Variants in SMYD3 observed in about 807,000 individuals in gnomAD.
The protein encoded by SMYD3 is histone-lysine N-methyltransferase SMYD3.
A neutral mutation model predicts 57.7 loss-of-function variants in SMYD3; 36 were observed. The observed-to-expected ratio is 0.62, with a 90% CI of 0.48 to 0.82. SMYD3 has a LOEUF of 0.82. SMYD3 is among the 40% of genes least tolerant of loss of function. The pLI, the probability that SMYD3 is intolerant of heterozygous loss-of-function variation, is 0.00. For missense variants in SMYD3, 515 were observed against 538.8 expected, an observed-to-expected ratio of 0.96 and a Z score of 0.44; for synonymous variants, 211 against 195.0, an observed-to-expected ratio of 1.08 and a Z score of -0.68.
chr1:246,376,555 C>A (rs1326321135), intron 1 of SMYD3, among the ~76,000 whole-genome samples: 1 of 144,522 alleles, frequency 6.9e-6, no homozygotes, highest in Non-Finnish European at 1.5e-5. Context: ...CACGCCACTG[C>A]ACTCCAGCCT....
chr1:246,106,806 C>A (rs1334629557), intron 5 of SMYD3, among the ~76,000 whole-genome samples: 1 of 152,106 alleles, frequency 6.6e-6, no homozygotes. Context: ...AGTTTCAAAG[C>A]TTCTGTCTTA....
At chr1:245,896,345 C>A in intron 8 of SMYD3, among the ~76,000 whole-genome samples, 1 of 49,276 alleles carries the variant, frequency 2.0e-5, no homozygotes, top group African/African-American at 1.1e-4. Flanking sequence ...ATAGTAATGA[C>A]AGGTAAAATA....
intron 5 of SMYD3, among the ~76,000 whole-genome samples, chr1:245,960,117 T>G (rs1404161853): frequency 1.3e-5 from 2 of 152,172 alleles, no homozygotes. Context: ...TAAAACAAAA[T>G]TATGCAGGTA....
At chr1:245,885,003 A>G (rs1473724502) in intron 8 of SMYD3, among the ~76,000 whole-genome samples, 1 of 152,044 alleles carries the variant, frequency 6.6e-6, no homozygotes, top group East Asian at 1.9e-4. Flanking sequence ...GGTCTGCACT[A>G]CCTTTATGAG....
Position 245,971,996 on chromosome 1 carries a change from T to C in SMYD3, c.532-42059A>G, listed in dbSNP as rs565686010. On this transcript the variant is annotated intron_variant, in intron 5 of 11. Transcript: ENST00000490107. ...ACGCTGTACAGAGTCTAGTCACCTA[T>C]AGTCACTGCTGATCTTGCCATGTCT... is the stretch of plus-strand genomic sequence containing the variant. Among the ~76,000 whole-genome samples, 13 of 152,274 alleles carry C rather than the reference T, an allele frequency of 8.5e-5. No homozygotes were observed. In the East Asian group the frequency reaches 1.2e-3, roughly 14 times the overall value.
chr1:246,164,011 A>G (rs954129540), intron 5 of SMYD3, among the ~76,000 whole-genome samples: 7 of 152,204 alleles, frequency 4.6e-5, no homozygotes, highest in Non-Finnish European at 7.3e-5. Flanking sequence ...ACTTAGTTCA[A>G]GTTCTCTGCT....
chr1:246,087,893 A>G (rs1359779850), intron 5 of SMYD3, among the ~76,000 whole-genome samples: 1 of 152,178 alleles, frequency 6.6e-6, no homozygotes, highest in Non-Finnish European at 1.5e-5. Context: ...ACTACATCAT[A>G]GCAAGCAAAT....
At chr1:246,306,662 G>A (rs1369684261) in intron 5 of SMYD3, among the ~76,000 whole-genome samples, 2 of 152,130 alleles carry the variant, frequency 1.3e-5, no homozygotes, top group African/African-American at 4.8e-5. Context: ...CACTTTTAAG[G>A]TGTAATATTG....
intron 5 of SMYD3, chr1:246,326,656 C>G: frequency 2.9e-6 from 1 of 344,732 alleles, no homozygotes; most frequent in South Asian, 6.3e-5. Context: ...CCCAGCTACT[C>G]AGAATGCTGA....
At chr1:246,122,488 C>T (rs2061439140) in intron 5 of SMYD3, among the ~76,000 whole-genome samples, 1 of 152,190 alleles carries the variant, frequency 6.6e-6, no homozygotes, top group Admixed American at 6.5e-5. Context: ...CTGAAAACTA[C>T]TACTTGCTAC....
chr1:246,411,393 C>T (rs1430523762), intron 1 of SMYD3, among the ~76,000 whole-genome samples: 2 of 152,136 alleles, frequency 1.3e-5, no homozygotes, highest in Non-Finnish European at 1.5e-5. Flanking sequence ...TAAACTAGTT[C>T]AACCATTGTG....
At chr1:245,955,822 T>G (rs2057822838) in intron 5 of SMYD3, 1 of 484,566 alleles carries the variant, frequency 2.1e-6, no homozygotes, top group South Asian at 8.9e-5. Context: ...TGCATACTTT[T>G]GGCTACTTAC....
At chr1:246,419,549 C>T (rs917850595) in intron 1 of SMYD3, among the ~76,000 whole-genome samples, 14 of 152,178 alleles carry the variant, frequency 9.2e-5, no homozygotes, top group African/African-American at 3.4e-4. Flanking sequence ...CTTGTCCTCA[C>T]CTAGGTCGAT....
At chr1:246,098,826 TCACA>T (rs2060960541) in intron 5 of SMYD3, among the ~76,000 whole-genome samples, 1 of 124,582 alleles carries the variant, frequency 8.0e-6, no homozygotes, top group African/African-American at 2.6e-5. Flanking sequence ...GTATATACAC[TCACA>T]CACACACATT....
intron 5 of SMYD3, among the ~76,000 whole-genome samples, chr1:246,299,873 C>T (rs1218586568): frequency 6.7e-6 from 1 of 149,190 alleles, no homozygotes; most frequent in Non-Finnish European, 1.5e-5. Context: ...TCAGGAAAAA[C>T]GACTACTGGG....
chr1:246,375,891 G>A (rs759712408), intron 1 of SMYD3, among the ~76,000 whole-genome samples: 5 of 151,880 alleles, frequency 3.3e-5, no homozygotes, highest in Admixed American at 6.6e-5. Flanking sequence ...CACCACGCCT[G>A]GCTCATTTTT....
Position 245,883,130 on chromosome 1 carries a change from A to G in SMYD3, c.814-19244T>C, listed in dbSNP as rs765571342. On this transcript the variant is annotated intron_variant, in intron 8 of 11. Transcript: ENST00000490107. ...GAAAAGACAAATGTGAAAAGGGTAA[A>G]AACAATCCCTTGAAGCTCTATTAAT... Among the ~76,000 whole-genome samples, 6 of 152,198 alleles carry G rather than the reference A, an allele frequency of 3.9e-5. No homozygotes were observed. In the East Asian group the frequency reaches 9.6e-4, roughly 24 times the overall value.
chr1:246,087,495 G>A (rs912821096), intron 5 of SMYD3, among the ~76,000 whole-genome samples: 13 of 151,910 alleles, frequency 8.6e-5, no homozygotes, highest in African/African-American at 1.5e-4. Context: ...TCAAATAGTC[G>A]GAAAGCAAAG....
intron 5 of SMYD3, among the ~76,000 whole-genome samples, chr1:246,185,524 C>G (rs1430676444): frequency 2.8e-5 from 4 of 141,166 alleles, no homozygotes; most frequent in Non-Finnish European, 6.0e-5. Context: ...TGCAGTGGCG[C>G]GATCTCGGCT....
Sources: gnomAD v4.1 joint callset for allele counts (sites outside exome capture counted in the v4.1 genomes callset) on GRCh38, gnomAD v4.1.1 for gene constraint, MANE v1.5 for transcripts, NCBI Gene and HGNC (gene_info 2026-07-23, HGNC 2026-07-21) for gene names.